Variants in FOXP1 observed in about 807,000 individuals in gnomAD.
FOXP1 encodes the protein forkhead box P1.
FOXP1 carries 15 observed loss-of-function variants against 98.2 expected under a neutral mutation model. The observed-to-expected ratio is 0.15, with a 90% CI of 0.10 to 0.24. The LOEUF (loss-of-function observed/expected upper bound fraction) is 0.24, where lower values mean the gene tolerates loss of function less well. Among genes scored for constraint, FOXP1 ranks in the 10% least tolerant of loss-of-function variants. The pLI is 1.00. For synonymous variants in FOXP1, 371 were observed against 314.5 expected, an observed-to-expected ratio of 1.18 and a Z score of -1.90; for missense variants, 633 against 848.5, an observed-to-expected ratio of 0.75 and a Z score of 3.15.
chr3:71,283,777 T>C (rs562061471), intron 5 of FOXP1, among the ~76,000 whole-genome samples: 5 of 152,340 alleles, frequency 3.3e-5, no homozygotes, highest in East Asian at 1.9e-4. Context: ...CCTAAAATTA[T>C]TGAATGCTTA....
At chr3:71,025,103 A>G (rs1343873287) in intron 11 of FOXP1, among the ~76,000 whole-genome samples, 2 of 152,132 alleles carry the variant, frequency 1.3e-5, no homozygotes, top group East Asian at 3.8e-4. Flanking sequence ...TTTAAACGAG[A>G]CGATTTATGA....
At chr3:71,196,257 C>A (rs2063294233) in intron 6 of FOXP1, among the ~76,000 whole-genome samples, 4 of 152,120 alleles carry the variant, frequency 2.6e-5, no homozygotes, top group Admixed American at 2.6e-4. Flanking sequence ...GTGGACACAG[C>A]CAAAGGAAGA....
intron 3 of FOXP1, among the ~76,000 whole-genome samples, chr3:71,365,452 A>G (rs2078851476): frequency 1.6e-5 from 2 of 125,528 alleles, no homozygotes; most frequent in East Asian, 4.2e-4. Flanking sequence ...TGCAACAACC[A>G]AAAAAAAAAA....
At chr3:71,066,433 C>T (rs762786296) in intron 7 of FOXP1, among the ~76,000 whole-genome samples, 2 of 152,152 alleles carry the variant, frequency 1.3e-5, no homozygotes, top group Non-Finnish European at 2.9e-5. Flanking sequence ...CAAAATGTGA[C>T]CCCACCCTCT....
At chr3:71,483,444 G>A (rs1194394866) in intron 3 of FOXP1, among the ~76,000 whole-genome samples, 2 of 152,184 alleles carry the variant, frequency 1.3e-5, no homozygotes, top group African/African-American at 4.8e-5. Flanking sequence ...TCTTCTTCCA[G>A]ACTGGGGCTT....
intron 3 of FOXP1, among the ~76,000 whole-genome samples, chr3:71,427,962 A>G (rs1312259285): frequency 6.6e-6 from 1 of 152,340 alleles, no homozygotes; most frequent in East Asian, 1.9e-4. Flanking sequence ...ATTCCAAGAA[A>G]AAGATCAGCT....
At chr3:71,263,851 C>T (rs1240581191) in intron 5 of FOXP1, among the ~76,000 whole-genome samples, 2 of 151,848 alleles carry the variant, frequency 1.3e-5, no homozygotes, top group African/African-American at 4.8e-5. Context: ...CTCAAATGAT[C>T]CTCTTGACTC....
rs928422361 is a variant in FOXP1 at position 71,391,353 on chromosome 3, A to T, written c.-167-32109T>A. On this transcript the variant is annotated intron_variant, in intron 3 of 20. Transcript: ENST00000649528. ...AATCTGCCTAACTAAATAAACAAAG[A>T]CTGCCTTTCTTTCCAAATAAAAATG... is the stretch of plus-strand genomic sequence containing the variant. Among the ~76,000 whole-genome samples the T allele has an allele frequency of 3.3e-5, 5 of 152,350 alleles. No individual in the cohort carries two copies. The South Asian group carries it at 8.3e-4, about 25-fold the overall frequency.
Position 70,954,764 on chromosome 3 carries a change from G to A in FOXP1, c.*4483C>T, listed in dbSNP as rs1477339027. 2.2e-5 allele frequency: 5 copies of A among 230,182 alleles called. No homozygotes were observed. The highest frequency in any genetic ancestry group is 1.1e-4 in the African/African-American group (5 of 45,192). 14.3% of individuals were successfully genotyped at this position (230,182 alleles called of 1,614,324 possible). On this transcript the variant is annotated 3_prime_UTR_variant, in exon 21 of 21. Transcript: ENST00000649528. ...TATTGCATTTGAGAATGCTTATAAT[G>A]TCAGTAATTAGTACTGACTACACAA... is the stretch of plus-strand genomic sequence containing the variant.
intron 6 of FOXP1, among the ~76,000 whole-genome samples, chr3:71,174,555 C>G (rs768850494): frequency 5.3e-5 from 8 of 152,096 alleles, no homozygotes; most frequent in Non-Finnish European, 1.2e-4. Context: ...TGATTTCATC[C>G]ATCTTCACAG....
chr3:70,967,710 GTTTTTTTTTTTTT>G (rs756777959), intron 19 of FOXP1, among the ~76,000 whole-genome samples: 1 of 68,872 alleles, frequency 1.5e-5, no homozygotes, highest in Non-Finnish European at 2.7e-5. Context: ...GTTTTTTTTT[GTTTTTTTTTTTTT>G]TTTTTGCAAA....
intron 5 of FOXP1, among the ~76,000 whole-genome samples, chr3:71,233,357 G>A (rs758759700): frequency 5.3e-5 from 8 of 152,052 alleles, no homozygotes; most frequent in Non-Finnish European, 1.2e-4. Context: ...CAGGAGCTGA[G>A]CTTCTGTAAA....
chr3:71,361,313 A>C (rs1274396830), intron 3 of FOXP1, among the ~76,000 whole-genome samples: 1 of 152,150 alleles, frequency 6.6e-6, no homozygotes, highest in Non-Finnish European at 1.5e-5. Context: ...GCTGCCTTTT[A>C]GATTCTACAT....
intron 2 of FOXP1, among the ~76,000 whole-genome samples, chr3:71,522,914 G>A (rs970503786): frequency 9.2e-5 from 14 of 152,138 alleles, no homozygotes; most frequent in East Asian, 3.8e-4. Flanking sequence ...CTCAGGAGCC[G>A]CAGTACTTAC....
chr3:71,428,937 G>T (rs958857379), intron 3 of FOXP1, among the ~76,000 whole-genome samples: 1 of 152,206 alleles, frequency 6.6e-6, no homozygotes, highest in Non-Finnish European at 1.5e-5. Context: ...CGTTCAGCTC[G>T]TCCATTCTAC....
intron 5 of FOXP1, among the ~76,000 whole-genome samples, chr3:71,201,604 G>T (rs940858899): frequency 2.0e-5 from 3 of 151,962 alleles, no homozygotes; most frequent in Non-Finnish European, 4.4e-5. Context: ...CAGACAGCAT[G>T]CAACAGAGCA....
intron 3 of FOXP1, among the ~76,000 whole-genome samples, chr3:71,413,430 C>CCA (rs566003968): frequency 2.8e-4 from 42 of 151,760 alleles, no homozygotes; most frequent in Admixed American, 8.5e-4. Context: ...ACAGACATGC[C>CCA]CACACACACA....
intron 5 of FOXP1, among the ~76,000 whole-genome samples, chr3:71,279,346 G>A (rs2107384224): frequency 6.6e-6 from 1 of 152,180 alleles, no homozygotes; most frequent in Admixed American, 6.5e-5. Flanking sequence ...CTAAATTAGT[G>A]CTTCTCAACT....
At chr3:71,445,229 C>A (rs968303333) in intron 3 of FOXP1, among the ~76,000 whole-genome samples, 1 of 152,160 alleles carries the variant, frequency 6.6e-6, no homozygotes, top group African/African-American at 2.4e-5. Context: ...CCGTAAGTGG[C>A]AAAAGCAGGA....
Sources: gnomAD v4.1 joint callset for allele counts (sites outside exome capture counted in the v4.1 genomes callset) on GRCh38, gnomAD v4.1.1 for gene constraint, MANE v1.5 for transcripts, NCBI Gene and HGNC (gene_info 2026-07-23, HGNC 2026-07-21) for gene names.